The following DHX9 variants were observed in gnomAD, a reference collection of about 807,000 sequenced individuals.
DHX9 encodes the protein DExH-box helicase 9.
DHX9 carries 27 observed loss-of-function variants against 148.7 expected under a neutral mutation model. The ratio of observed to expected loss-of-function variants is 0.18; its 90% CI spans 0.13 to 0.25. The LOEUF (loss-of-function observed/expected upper bound fraction) is 0.25, where lower values mean the gene tolerates loss of function less well. Among genes scored for constraint, DHX9 ranks in the 10% least tolerant of loss-of-function variants. The pLI, the probability that DHX9 is intolerant of heterozygous loss-of-function variation, is 1.00. For missense variants in DHX9, 796 were observed against 1,559.6 expected, an observed-to-expected ratio of 0.51 and a Z score of 8.25; for synonymous variants, 529 against 516.6, an observed-to-expected ratio of 1.02 and a Z score of -0.33.
intron 7 of DHX9, among the ~76,000 whole-genome samples, chr1:182,857,003 C>T (rs1008588870): frequency 1.3e-5 from 2 of 152,160 alleles, no homozygotes; most frequent in Non-Finnish European, 2.9e-5. Flanking sequence ...GTGCTGCCAC[C>T]AAGCCCGGCT....
At chr1:182,845,537 A>G (rs913416052) in intron 3 of DHX9, among the ~76,000 whole-genome samples, 2 of 152,096 alleles carry the variant, frequency 1.3e-5, no homozygotes, top group Non-Finnish European at 2.9e-5. Context: ...CACACACCCC[A>G]AGCAAGCAAT....
intron 14 of DHX9, among the ~76,000 whole-genome samples, chr1:182,867,905 A>G (rs920794059): frequency 5.3e-5 from 8 of 152,228 alleles, no homozygotes; most frequent in African/African-American, 1.9e-4. Flanking sequence ...TAAGTAGTAT[A>G]GTGACTTTCA....
chr1:182,843,463 T>A, intron 3 of DHX9, 29 bp downstream of exon 3: 1 of 1,535,866 alleles, frequency 6.5e-7, no homozygotes, highest in Non-Finnish European at 8.7e-7. Context: ...GCACTTGAGA[T>A]GTATGTTGTA....
Position 182,867,060 on chromosome 1 carries a change from G to C in DHX9, c.1557+17G>C. ...GATATTAATGTAAGTAACTTGAGAG[G>C]TACAGTAAGGTACTTAATTCTGCTA... On this transcript the variant is annotated intron_variant, in intron 14 of 27. Transcript: ENST00000367549. 1 of 1,440,500 alleles carries C rather than the reference G, an allele frequency of 6.9e-7. No individual in the cohort carries two copies. The highest frequency in any genetic ancestry group is 2.4e-5 in the East Asian group (1 of 41,392). 89.2% of individuals were successfully genotyped at this position (1,440,500 alleles called of 1,614,324 possible). A position where few individuals can be genotyped will look rare whatever the true frequency, so the allele number is the denominator to read the frequency against.
At chr1:182,857,176 A>AT (rs1366836402) in intron 7 of DHX9, among the ~76,000 whole-genome samples, 1 of 152,112 alleles carries the variant, frequency 6.6e-6, no homozygotes, top group Non-Finnish European at 1.5e-5. Context: ...TATATATACA[A>AT]TGAGTTATTT....
intron 15 of DHX9, 32 bp from the exon 16 acceptor site, chr1:182,874,822 A>G (rs768787652): frequency 6.6e-7 from 1 of 1,505,988 alleles, no homozygotes; most frequent in Non-Finnish European, 9.2e-7. Context: ...GAAAGTTGAT[A>G]GTACTTAACC....
At chr1:182,874,805 C>G (rs1341841646) in intron 15 of DHX9, 49 bp from the exon 16 acceptor site, 1 of 1,364,436 alleles carries the variant, frequency 7.3e-7, no homozygotes, top group East Asian at 2.3e-5. Flanking sequence ...TAGGTCTGCT[C>G]CATTGTGAAA....
chr1:182,868,518 TCC>T (rs1648400366), intron 14 of DHX9, among the ~76,000 whole-genome samples: 2 of 144,136 alleles, frequency 1.4e-5, no homozygotes, highest in African/African-American at 5.7e-5. Flanking sequence ...TTATTTTAAT[TCC>T]TTTTTTTTTT....
chr1:182,873,414 C>T (rs1211059954), intron 15 of DHX9, among the ~76,000 whole-genome samples: 1 of 152,196 alleles, frequency 6.6e-6, no homozygotes, highest in Non-Finnish European at 1.5e-5. Context: ...GCTATGCCAG[C>T]ATGCTAAGCC....
chr1:182,883,934 A>G (rs11801498), intron 26 of DHX9, among the ~76,000 whole-genome samples: 6,840 of 152,218 alleles, frequency 0.045, 455 homozygotes, highest in African/African-American at 0.15. Context: ...AATAGAGCTT[A>G]ATGGACAGCC....
At chr1:182,877,852 T>C (rs1648885085) in intron 19 of DHX9, 169 bp from the exon 20 acceptor site, 1 of 762,544 alleles carries the variant, frequency 1.3e-6, no homozygotes, top group East Asian at 2.8e-5. Context: ...GGTTGACAAC[T>C]AGGAGTTTGC....
At chr1:182,840,385 G>A (rs919962151) in intron 1 of DHX9, among the ~76,000 whole-genome samples, 5 of 146,548 alleles carry the variant, frequency 3.4e-5, no homozygotes, top group Non-Finnish European at 5.9e-5. Flanking sequence ...CAGCAACGTC[G>A]GTCTCCCGGG....
intron 3 of DHX9, among the ~76,000 whole-genome samples, chr1:182,850,014 C>T (rs61807501): frequency 0.011 from 1,506 of 132,336 alleles, 19 homozygotes; most frequent in Non-Finnish European, 0.018. Flanking sequence ...ATTTCATCAG[C>T]GTTCAGCTTT....
At chr1:182,869,289 G>A (rs1364348480) in intron 14 of DHX9, among the ~76,000 whole-genome samples, 1 of 152,100 alleles carries the variant, frequency 6.6e-6, no homozygotes, top group Non-Finnish European at 1.5e-5. Flanking sequence ...GTCTTATCCG[G>A]TTCGGCCCAG....
chr1:182,873,926 A>G (rs1648655945), intron 15 of DHX9, among the ~76,000 whole-genome samples: 1 of 152,238 alleles, frequency 6.6e-6, no homozygotes, highest in Admixed American at 6.5e-5. Flanking sequence ...CGATGGGGAT[A>G]AAGGGACACA....
rs1649172866 is a variant in DHX9 at position 182,883,350 on chromosome 1, C to G, written c.3126C>G (p.Phe1042Leu). 1 of 1,613,740 alleles carries G rather than the reference C, an allele frequency of 6.2e-7. No homozygotes were observed. Among genetic ancestry groups the G allele is most frequent in the South Asian group, 1.1e-5 (1 of 91,042 alleles). Residue 1042 changes from phenylalanine (F) to leucine (L), a missense_variant, in exon 25 of 28, where the codon TTC (phenylalanine) becomes TTG (leucine). Transcript: ENST00000367549. ...AAGACATGAAGTACCCATCTCCCTT[C>G]TTTGTATTTGGTGAAAAGGTAAGAA... ...SSQDMKYPSPFFVFGEKIRTR... is the reference protein window; with the variant it reads ...SSQDMKYPSPLFVFGEKIRTR...
rs1446181378 is a variant in DHX9, at chr1:182,876,506, A to G, written c.2089A>G (p.Lys697Glu). Residue 697 changes from lysine to glutamate, a missense_variant, in exon 18 of 28, where the codon AAA becomes GAA. By Grantham distance (56) the Lys-to-Glu change is moderately conservative. This residue lies in a region of DHX9 where 133 missense variants were observed against 223.8 expected (regional missense o/e 0.59). Coordinates refer to ENST00000367549, the MANE Select transcript of DHX9 (RefSeq NM_001357.5). ...TCAGATTCCTCGAGAGGAACAGCGC[A>G]AAGTGTTTGATCCAGTACCAGTTGG... ...HSQIPREEQR[K>E]VFDPVPVGVT... 9 of 1,612,662 alleles carry G rather than the reference A, an allele frequency of 5.6e-6. No individual in the cohort carries two copies. The highest frequency in any genetic ancestry group is 1.3e-5 in the African/African-American group (1 of 74,888).
In DHX9 at chr1:182,881,390, C is replaced by T; in HGVS notation, c.2751C>T (p.Ala917=). The change falls in exon 23 of 28, where the codon GCC becomes GCT. Residue 917 remains alanine (A), a synonymous_variant. Coordinates refer to ENST00000367549, the MANE Select transcript of DHX9 (RefSeq NM_001357.5). The part of the protein sequence containing the change: ...FAGNRFSDHV[A]LLSVFQAWDD... The stretch of plus-strand genomic sequence containing the variant: ...GAAACAGATTTTCTGATCACGTAGC[C>T]CTTTTATCAGTATTCCAAGCCTGGG... 2 of 1,614,032 alleles carry T rather than the reference C, an allele frequency of 1.2e-6. No individual in the cohort carries two copies. The highest frequency in any genetic ancestry group is 1.7e-6 in the Non-Finnish European group (2 of 1,179,978).
At chr1:182,847,186 A>G (rs762583021) in intron 3 of DHX9, among the ~76,000 whole-genome samples, 2 of 152,176 alleles carry the variant, frequency 1.3e-5, no homozygotes, top group African/African-American at 2.4e-5. Flanking sequence ...CTTGCCTACT[A>G]CTACTAACAT....
Sources: gnomAD v4.1 joint callset for allele counts (sites outside exome capture counted in the v4.1 genomes callset) on GRCh38, gnomAD v4.1.1 for gene constraint, gnomAD v4.1.1 regional missense constraint, MANE v1.5 for transcripts, NCBI Gene and HGNC (gene_info 2026-07-23, HGNC 2026-07-21) for gene names.